The following MTHFD2L variants were observed in gnomAD, a reference collection of about 807,000 sequenced individuals.
MTHFD2L encodes the protein bifunctional methylenetetrahydrofolate dehydrogenase/cyclohydrolase 2, mitochondrial.
MTHFD2L carries 29 observed loss-of-function variants against 34.9 expected under a neutral mutation model. The observed-to-expected ratio is 0.83, with a 90% CI of 0.62 to 1.13. MTHFD2L has a LOEUF of 1.13. Ranked by LOEUF, MTHFD2L falls within the 50% of genes most tolerant of loss-of-function variation. MTHFD2L has a pLI of 0.00. For synonymous variants in MTHFD2L, 167 were observed against 155.7 expected, an observed-to-expected ratio of 1.07 and a Z score of -0.54; for missense variants, 481 against 446.5, an observed-to-expected ratio of 1.08 and a Z score of -0.70.
At chr4:74,243,294 T>C (rs926866997) in intron 6 of MTHFD2L, among the ~76,000 whole-genome samples, 14 of 152,232 alleles carry the variant, frequency 9.2e-5, no homozygotes, top group African/African-American at 3.4e-4. Context: ...CCAAATACTA[T>C]GTTTCAAGCT....
At chr4:74,279,263 G>A (rs192534380) in intron 6 of MTHFD2L, among the ~76,000 whole-genome samples, 1 of 151,928 alleles carries the variant, frequency 6.6e-6, no homozygotes, top group East Asian at 1.9e-4. Context: ...AAGATACATA[G>A]TGAGACACAA....
At chr4:74,229,378 G>A (rs1318252539) in intron 6 of MTHFD2L, among the ~76,000 whole-genome samples, 1 of 152,120 alleles carries the variant, frequency 6.6e-6, no homozygotes, top group Non-Finnish European at 1.5e-5. Context: ...GTATTTAAAG[G>A]AAATAGTGAT....
chr4:74,165,622 C>T (rs886388671), intron 1 of MTHFD2L, among the ~76,000 whole-genome samples: 2 of 152,180 alleles, frequency 1.3e-5, no homozygotes, highest in East Asian at 3.8e-4. Context: ...CCTCAAAGTG[C>T]TGGAATTACA....
intron 3 of MTHFD2L, 62 bp from the exon 4 acceptor site, chr4:74,199,732 A>G: frequency 7.0e-7 from 1 of 1,431,704 alleles, no homozygotes. Context: ...CTCAGATTTC[A>G]TTTTTCAGGC....
rs966494590 is a variant in MTHFD2L, at chr4:74,267,305, T to A, written c.806-14120T>A. 7 of 485,340 alleles carry A rather than the reference T, an allele frequency of 1.4e-5. No homozygotes were observed. The African/African-American group carries it at 1.2e-3, about 80-fold the overall frequency. The allele number at this position is 485,340 out of a possible 1,614,324, so 30.1% of individuals were successfully genotyped here. A position where few individuals can be genotyped will look rare whatever the true frequency, so the allele number is the denominator to read the frequency against. ...TATTCTATTCTTTTCTTTTCTTTTC[T>A]TTTCTTTCTTTCTCTTTCTCTCTTT... On this transcript the variant is annotated intron_variant, in intron 6 of 7. Transcript: ENST00000325278.
intron 6 of MTHFD2L, among the ~76,000 whole-genome samples, chr4:74,229,732 A>T (rs1578547194): frequency 6.6e-6 from 1 of 152,106 alleles, no homozygotes. Flanking sequence ...CAAAATTGAG[A>T]TTTAGACTCA....
chr4:74,193,290 T>C (rs1732892994), intron 3 of MTHFD2L, among the ~76,000 whole-genome samples: 1 of 152,208 alleles, frequency 6.6e-6, no homozygotes, highest in South Asian at 2.1e-4. Context: ...AGCTGGGCTC[T>C]CTTTTCTTGT....
chr4:74,160,142 T>C (rs757855334), intron 1 of MTHFD2L: 9 of 1,219,376 alleles, frequency 7.4e-6, no homozygotes, highest in Non-Finnish European at 9.7e-6. Flanking sequence ...CTTTTTTATA[T>C]ATATAATGAC....
At chr4:74,241,849 A>T (rs1319378015) in intron 6 of MTHFD2L, 1 of 162,162 alleles carries the variant, frequency 6.2e-6, no homozygotes, top group East Asian at 1.8e-4. Context: ...CCAGCAAATT[A>T]TGAAGTAAAA....
At chr4:74,232,235 A>G (rs943747536) in intron 6 of MTHFD2L, among the ~76,000 whole-genome samples, 3 of 152,182 alleles carry the variant, frequency 2.0e-5, no homozygotes, top group African/African-American at 4.8e-5. Context: ...CTTTATTTTT[A>G]TACTTAAGAT....
intron 1 of MTHFD2L, among the ~76,000 whole-genome samples, chr4:74,141,364 G>A (rs554337742): frequency 1.3e-5 from 2 of 152,294 alleles, no homozygotes; most frequent in South Asian, 2.1e-4. Context: ...GCTGAGGTAC[G>A]AATGCTAGAG....
intron 1 of MTHFD2L, among the ~76,000 whole-genome samples, chr4:74,146,643 C>T (rs745740297): frequency 4.6e-5 from 7 of 152,036 alleles, no homozygotes; most frequent in South Asian, 2.1e-4. Context: ...TGGTCAAATT[C>T]GTTTGGTGTT....
intron 1 of MTHFD2L, chr4:74,161,254 GT>G (rs1725401209): frequency 1.3e-5 from 2 of 152,144 alleles, no homozygotes; most frequent in African/African-American, 4.8e-5. Flanking sequence ...GGGTAGTTAA[GT>G]TTAATAATTT....
intron 5 of MTHFD2L, among the ~76,000 whole-genome samples, chr4:74,223,512 T>G (rs1214091325): frequency 2.6e-5 from 4 of 151,996 alleles, no homozygotes; most frequent in African/African-American, 9.7e-5. Context: ...AACTAATTAA[T>G]GGGTACTAGG....
chr4:74,228,633 A>T (rs1025064536), intron 6 of MTHFD2L, among the ~76,000 whole-genome samples: 1 of 152,234 alleles, frequency 6.6e-6, no homozygotes, highest in Non-Finnish European at 1.5e-5. Context: ...AGCTTATGCC[A>T]TAATGCCAAC....
At chr4:74,295,960 A>G (rs1369119642) in intron 7 of MTHFD2L, among the ~76,000 whole-genome samples, 1 of 152,192 alleles carries the variant, frequency 6.6e-6, no homozygotes, top group African/African-American at 2.4e-5. Context: ...GTGCAGCACA[A>G]ATTTCATGTG....
chr4:74,245,799 A>T (rs1014742102), intron 6 of MTHFD2L, among the ~76,000 whole-genome samples: 5 of 151,996 alleles, frequency 3.3e-5, no homozygotes, highest in African/African-American at 4.8e-5. Flanking sequence ...CCTACAAAGG[A>T]CATGAACTCA....
intron 7 of MTHFD2L, chr4:74,288,329 T>C (rs1748459019): frequency 6.6e-6 from 1 of 152,116 alleles, no homozygotes; most frequent in South Asian, 2.1e-4. Flanking sequence ...CCCAGAACAA[T>C]AAAATCCATC....
chr4:74,150,768 T>A (rs1248700103), intron 1 of MTHFD2L, among the ~76,000 whole-genome samples: 2 of 152,112 alleles, frequency 1.3e-5, no homozygotes, highest in African/African-American at 4.8e-5. Context: ...TGTATATGTA[T>A]ACGTGTGTGT....
Sources: allele counts gnomAD v4.1 joint callset (sites outside exome capture counted in the v4.1 genomes callset), GRCh38; gene constraint gnomAD v4.1.1; transcripts MANE v1.5; gene names NCBI Gene and HGNC (gene_info 2026-07-23, HGNC 2026-07-21).